The following PTPRQ variants were observed in gnomAD, a reference collection of about 807,000 sequenced individuals.
The protein encoded by PTPRQ is protein tyrosine phosphatase receptor type Q, also known as phosphatidylinositol phosphatase PTPRQ.
A neutral mutation model predicts 246.0 loss-of-function variants in PTPRQ; 199 were observed. The observed-to-expected ratio is 0.81, with a 90% CI of 0.72 to 0.91. The LOEUF (loss-of-function observed/expected upper bound fraction) is 0.91. PTPRQ is among the 40% of genes least tolerant of loss of function. PTPRQ has a pLI of 0.00. For synonymous variants in PTPRQ, 869 were observed against 853.2 expected, an observed-to-expected ratio of 1.02 and a Z score of -0.32; for missense variants, 2,624 against 2,528.4, an observed-to-expected ratio of 1.04 and a Z score of -0.81.
At chr12:80,633,896 C>G (rs576143793) in intron 34 of PTPRQ, among the ~76,000 whole-genome samples, 131 of 152,228 alleles carry the variant, frequency 8.6e-4, no homozygotes, top group Admixed American at 2.0e-3. Context: ...AGGAAATGGT[C>G]CTCCTTATTC....
chr12:80,497,373 A>G (rs5005026), intron 14 of PTPRQ, among the ~76,000 whole-genome samples: 1 of 151,738 alleles, frequency 6.6e-6, no homozygotes, highest in East Asian at 2.0e-4. Context: ...TTTGCGCTCC[A>G]ATGAAAATCT....
chr12:80,657,152 T>A (rs1900470692), intron 38 of PTPRQ, among the ~76,000 whole-genome samples: 1 of 151,856 alleles, frequency 6.6e-6, no homozygotes, highest in Non-Finnish European at 1.5e-5. Context: ...TATGTAGCCT[T>A]CTGTTTTTAA....
chr12:80,469,763 G>A (rs2120535247), intron 7 of PTPRQ, among the ~76,000 whole-genome samples: 1 of 152,266 alleles, frequency 6.6e-6, no homozygotes, highest in Admixed American at 6.5e-5. Context: ...CCGATACACA[G>A]AAACAGACAT....
chr12:80,621,003 C>T (rs991865238), intron 32 of PTPRQ, among the ~76,000 whole-genome samples: 1 of 151,774 alleles, frequency 6.6e-6, no homozygotes, highest in African/African-American at 2.4e-5. Flanking sequence ...TGTAAGACTA[C>T]AATTTTTAAA....
intron 25 of PTPRQ, among the ~76,000 whole-genome samples, chr12:80,574,132 C>G (rs192470563): frequency 6.6e-6 from 1 of 152,002 alleles, no homozygotes; most frequent in Non-Finnish European, 1.5e-5. Context: ...ATTAACTGAT[C>G]CTTTGATCAT....
intron 30 of PTPRQ, among the ~76,000 whole-genome samples, chr12:80,618,734 A>G (rs1898862153): frequency 6.6e-6 from 1 of 151,582 alleles, no homozygotes; most frequent in Admixed American, 6.6e-5. Flanking sequence ...GATATATAAT[A>G]TAGTCATTAA....
intron 38 of PTPRQ, among the ~76,000 whole-genome samples, chr12:80,657,357 TAAGAG>T (rs1349917121): frequency 6.6e-6 from 1 of 151,786 alleles, no homozygotes; most frequent in Non-Finnish European, 1.5e-5. Flanking sequence ...ATAATGAAAG[TAAGAG>T]AAAACAGAAT....
chr12:80,524,905 T>C (rs558487123), intron 17 of PTPRQ, among the ~76,000 whole-genome samples: 1 of 152,304 alleles, frequency 6.6e-6, no homozygotes, highest in Admixed American at 6.5e-5. Flanking sequence ...ATAATTGGCC[T>C]TTGTTCTAAA....
chr12:80,524,120 G>A (rs912679317), intron 17 of PTPRQ, among the ~76,000 whole-genome samples: 66 of 152,246 alleles, frequency 4.3e-4, no homozygotes, highest in African/African-American at 1.5e-3. Flanking sequence ...ATTATGTAAT[G>A]GCCTTCTTTG....
chr12:80,628,414 G>A lies in PTPRQ; in HGVS notation c.5687-3778G>A, dbSNP rs145133861. ...GGACAAAAAGATGAAGCATTAATAC[G>A]TGCCTATTTTACACATTGGTAACCT... On this transcript the variant is annotated intron_variant, in intron 33 of 44. Transcript: ENST00000644991. Among the ~76,000 whole-genome samples, 606 of 152,112 alleles carry A rather than the reference G, an allele frequency of 4.0e-3. 2 individuals carry two copies. The highest frequency in any genetic ancestry group is 5.0e-3 in the Non-Finnish European group (340 of 67,976).
intron 3 of PTPRQ, among the ~76,000 whole-genome samples, chr12:80,454,952 G>A (rs560710133): frequency 7.9e-5 from 12 of 152,238 alleles, no homozygotes; most frequent in South Asian, 4.2e-4. Flanking sequence ...CGAGGCGGGC[G>A]GATCACCTGA....
intron 39 of PTPRQ, among the ~76,000 whole-genome samples, chr12:80,659,778 TACA>T (rs1900567006): frequency 6.6e-6 from 1 of 152,066 alleles, no homozygotes; most frequent in Admixed American, 6.6e-5. Context: ...TAATAAATCT[TACA>T]ACAACGTCAC....
At chr12:80,558,297 A>T (rs1896721863) in intron 25 of PTPRQ, among the ~76,000 whole-genome samples, 1 of 151,638 alleles carries the variant, frequency 6.6e-6, no homozygotes, top group South Asian at 2.1e-4. Flanking sequence ...CCTCCCGAGT[A>T]GCTGGGACTA....
At chr12:80,668,192 C>T (rs1283266720) in intron 39 of PTPRQ, among the ~76,000 whole-genome samples, 2 of 151,692 alleles carry the variant, frequency 1.3e-5, no homozygotes, top group East Asian at 1.9e-4. Flanking sequence ...TATACATTAC[C>T]TTTCTTTAAA....
chr12:80,632,130 T>A, intron 33 of PTPRQ, 62 bp from the exon 34 acceptor site: 1 of 1,510,254 alleles, frequency 6.6e-7, no homozygotes, highest in Non-Finnish European at 8.9e-7. Context: ...TTTTTGGTAG[T>A]TTGGGATTCA....
intron 26 of PTPRQ, among the ~76,000 whole-genome samples, chr12:80,601,139 A>G (rs1342551851): frequency 6.6e-6 from 1 of 151,878 alleles, no homozygotes; most frequent in Admixed American, 6.6e-5. Context: ...CTTCATGCCC[A>G]TGACCTTGTC....
chr12:80,570,429 G>GT (rs1251733299), intron 25 of PTPRQ, among the ~76,000 whole-genome samples: 4 of 137,876 alleles, frequency 2.9e-5, no homozygotes, highest in Non-Finnish European at 3.3e-5. Context: ...TGATGGGGTT[G>GT]TTTGTTTTTT....
intron 6 of PTPRQ, among the ~76,000 whole-genome samples, chr12:80,463,710 A>G (rs1893290710): frequency 6.6e-6 from 1 of 151,718 alleles, no homozygotes; most frequent in Admixed American, 6.6e-5. Context: ...GGGGGCCAAT[A>G]TTCAACATTC....
intron 26 of PTPRQ, among the ~76,000 whole-genome samples, chr12:80,596,576 C>A (rs1200380379): frequency 6.6e-6 from 1 of 151,974 alleles, no homozygotes; most frequent in Non-Finnish European, 1.5e-5. Context: ...CTAAATTTCA[C>A]ATTGAATTGA....
Sources: allele counts gnomAD v4.1 joint callset (sites outside exome capture counted in the v4.1 genomes callset), GRCh38; gene constraint gnomAD v4.1.1; transcripts MANE v1.5; gene names NCBI Gene and HGNC (gene_info 2026-07-23, HGNC 2026-07-21).